The following ZNF385D variants were observed in gnomAD, a reference collection of about 807,000 sequenced individuals.
ZNF385D encodes the protein zinc finger protein 385D.
A neutral mutation model predicts 35.8 loss-of-function variants in ZNF385D; 15 were observed. That is an observed-to-expected ratio of 0.42 (90% confidence interval 0.28 to 0.64). The LOEUF (loss-of-function observed/expected upper bound fraction) is 0.64, where lower values mean the gene tolerates loss of function less well. Among genes scored for constraint, ZNF385D ranks in the 30% least tolerant of loss-of-function variants. The pLI, the probability that ZNF385D is intolerant of heterozygous loss-of-function variation, is 0.23. For synonymous variants in ZNF385D, 212 were observed against 186.8 expected (o/e 1.13, Z -1.10); for missense variants, 474 against 494.6 (o/e 0.96, Z 0.39).
At chr3:21,531,208 T>C (rs1405215314) in intron 3 of ZNF385D, among the ~76,000 whole-genome samples, 1 of 152,168 alleles carries the variant, frequency 6.6e-6, no homozygotes, top group Non-Finnish European at 1.5e-5. Flanking sequence ...CAATGAGATA[T>C]TATTGTGCAC....
In ZNF385D at chr3:22,051,082, A is replaced by C. The variant is rs1283190779; in HGVS notation, c.325+117735T>G. 6.4e-5 allele frequency among the ~76,000 whole-genome samples: 2 copies of C among 31,220 alleles called. 1 individual carries two copies. The highest frequency in any genetic ancestry group is 1.2e-4 in the Non-Finnish European group (2 of 16,448). 20.5% of individuals were successfully genotyped at this position (31,220 alleles called of 152,430 possible). ...GACTTTCTGTCTCGTTGATCTGTCT[A>C]ATGTTGACAGTGGGGTGTTAAAGTC... On this transcript the variant is annotated intron_variant, in intron 3 of 5. Coordinates refer to the ZNF385D transcript ENST00000494108.
chr3:21,961,873 T>C (rs12489570), intron 3 of ZNF385D, among the ~76,000 whole-genome samples: 39,369 of 151,864 alleles, frequency 0.26, 5,598 homozygotes, highest in South Asian at 0.33. Flanking sequence ...AAAATGACCA[T>C]AGAGCTTATG....
At chr3:22,049,510 C>A (rs1699215198) in intron 3 of ZNF385D, among the ~76,000 whole-genome samples, 1 of 151,880 alleles carries the variant, frequency 6.6e-6, no homozygotes. Flanking sequence ...CCTTTTATTT[C>A]TTTATCTTGC....
intron 2 of ZNF385D, among the ~76,000 whole-genome samples, chr3:22,270,338 C>T (rs930890722): frequency 6.6e-6 from 1 of 151,912 alleles, no homozygotes; most frequent in Non-Finnish European, 1.5e-5. Context: ...AGCTATCCAA[C>T]AGGGTTTTCA....
chr3:22,260,029 G>T (rs1700540322), intron 2 of ZNF385D, among the ~76,000 whole-genome samples: 1 of 151,856 alleles, frequency 6.6e-6, no homozygotes, highest in African/African-American at 2.4e-5. Context: ...AGCAAAATAT[G>T]CATATAGTAT....
chr3:22,084,752 C>A (rs1049361471), intron 3 of ZNF385D, among the ~76,000 whole-genome samples: 8 of 152,182 alleles, frequency 5.3e-5, no homozygotes, highest in Non-Finnish European at 1.0e-4. Context: ...GAACTCTCCA[C>A]CCCAAATCAA....
At chr3:21,899,381 T>G (rs1250954808) in intron 3 of ZNF385D, among the ~76,000 whole-genome samples, 1 of 152,174 alleles carries the variant, frequency 6.6e-6, no homozygotes, top group Non-Finnish European at 1.5e-5. Flanking sequence ...AAGAATCTAT[T>G]AGATCAGTGG....
chr3:21,969,285 TAAGGG>T (rs1368657820), intron 3 of ZNF385D, among the ~76,000 whole-genome samples: 1 of 152,090 alleles, frequency 6.6e-6, no homozygotes, highest in East Asian at 1.9e-4. Flanking sequence ...CCCCACGTGT[TAAGGG>T]AAAGACCAGG....
intron 2 of ZNF385D, among the ~76,000 whole-genome samples, chr3:22,366,841 A>G (rs1054509867): frequency 1.3e-5 from 2 of 152,204 alleles, no homozygotes; most frequent in Non-Finnish European, 2.9e-5. Context: ...AAGAGAAACA[A>G]AGAGAGATCA....
rs377617436 is a variant in ZNF385D at position 21,738,402 on chromosome 3, C to A, written c.22+12493G>T. On this transcript the variant is annotated intron_variant, in intron 1 of 7. Transcript: ENST00000281523. ...TTTAAAAACAGGAATACTGATAATTCTTCCATAACAGGGCTGTTGTGAAGA... is the reference window on the plus strand; with the variant it reads ...TTTAAAAACAGGAATACTGATAATTATTCCATAACAGGGCTGTTGTGAAGA... 2.6e-5 allele frequency among the ~76,000 whole-genome samples: 4 copies of A among 152,278 alleles called. No individual in the cohort carries two copies. The South Asian group carries it at 8.3e-4, about 32-fold the overall frequency.
chr3:22,231,779 A>C (rs1698905186), intron 2 of ZNF385D, among the ~76,000 whole-genome samples: 1 of 151,968 alleles, frequency 6.6e-6, no homozygotes. Context: ...TGTAATTCCC[A>C]ATGTTGAAGG....
chr3:22,034,169 T>C (rs1013140763), intron 3 of ZNF385D, among the ~76,000 whole-genome samples: 2 of 152,204 alleles, frequency 1.3e-5, no homozygotes, highest in African/African-American at 4.8e-5. Context: ...GATTGCATTA[T>C]AAGATGAGGA....
At chr3:21,995,238 G>A (rs1464245253) in intron 3 of ZNF385D, among the ~76,000 whole-genome samples, 1 of 152,234 alleles carries the variant, frequency 6.6e-6, no homozygotes, top group African/African-American at 2.4e-5. Context: ...CAATGGTATA[G>A]TTGTGTCAGG....
chr3:22,139,338 C>G (rs1704349940), intron 3 of ZNF385D, among the ~76,000 whole-genome samples: 1 of 152,138 alleles, frequency 6.6e-6, no homozygotes, highest in East Asian at 1.9e-4. Context: ...CGGCAGTATT[C>G]ACAATAGCAA....
chr3:22,143,020 A>T (rs75410056), intron 3 of ZNF385D, among the ~76,000 whole-genome samples: 3,028 of 151,844 alleles, frequency 0.02, 75 homozygotes, highest in African/African-American at 0.063. Context: ...ATAATAATAA[A>T]AAAAAAAGAG....
chr3:22,335,443 C>G (rs200500279), intron 2 of ZNF385D, among the ~76,000 whole-genome samples: 2 of 152,104 alleles, frequency 1.3e-5, no homozygotes, highest in Non-Finnish European at 2.9e-5. Flanking sequence ...TTCAGATAAT[C>G]ATAGAATTAT....
chr3:21,897,679 C>A (rs1699204547), intron 3 of ZNF385D, among the ~76,000 whole-genome samples: 1 of 151,982 alleles, frequency 6.6e-6, no homozygotes, highest in Admixed American at 6.6e-5. Context: ...GATTGGATGA[C>A]ATGTTCAGAG....
intron 3 of ZNF385D, among the ~76,000 whole-genome samples, chr3:21,929,814 T>C (rs1020575718): frequency 2.0e-5 from 3 of 151,984 alleles, no homozygotes; most frequent in African/African-American, 7.2e-5. Flanking sequence ...TCTAAATAAA[T>C]AGGGAGACAT....
intron 4 of ZNF385D, 53 bp from the exon 5 acceptor site, chr3:21,437,256 C>T (rs1304603521): frequency 1.3e-6 from 2 of 1,502,702 alleles, no homozygotes; most frequent in Non-Finnish European, 1.8e-6. Flanking sequence ...TATTATCTTT[C>T]CCTATTCAGG....
Sources: allele counts gnomAD v4.1 joint callset (sites outside exome capture counted in the v4.1 genomes callset), GRCh38; gene constraint gnomAD v4.1.1; transcripts MANE v1.5; gene names NCBI Gene and HGNC (gene_info 2026-07-23, HGNC 2026-07-21).